The following HTR7 variants were observed in gnomAD, a reference collection of about 807,000 sequenced individuals.
The protein encoded by HTR7 is 5-hydroxytryptamine receptor 7.
HTR7 carries 16 observed loss-of-function variants against 34.0 expected under a neutral mutation model. The observed-to-expected ratio is 0.47, with a 90% confidence interval of 0.32 to 0.71. The LOEUF is 0.71. Ranked by LOEUF, HTR7 falls within the 30% of genes least tolerant of loss-of-function variation. HTR7 has a pLI of 0.04. For missense variants in HTR7, 504 were observed against 625.5 expected (o/e 0.81, Z 2.07); for synonymous variants, 265 against 260.2 (o/e 1.02, Z -0.18).
chr10:90,742,044 A>C lies in HTR7; in HGVS notation c.*438T>G, dbSNP rs962650837. ...ACATATTCAACACTACGCTCACCGC[A>C]GTTTGCTTGGAAAAGCCTTCTGTCA... On this transcript the variant is annotated 3_prime_UTR_variant, in exon 4 of 4. Coordinates refer to ENST00000336152, the MANE Select transcript of HTR7 (RefSeq NM_019859.4). The C allele has an allele frequency of 6.5e-6, 1 of 153,986 alleles. No individual in the cohort carries two copies. The highest frequency in any genetic ancestry group is 2.4e-5 in the African/African-American group (1 of 41,512). The allele number at this position is 153,986 out of a possible 1,614,324, so 9.5% of individuals were successfully genotyped here. A position where few individuals can be genotyped will look rare whatever the true frequency, so the allele number is the denominator to read the frequency against.
chr10:90,742,601 G>T, intron 3 of HTR7, 73 bp from the exon 4 acceptor site: 1 of 1,072,328 alleles, frequency 9.3e-7, no homozygotes, highest in Non-Finnish European at 1.4e-6. Context: ...TTTGTGGTAG[G>T]TGGACTTAAT....
intron 1 of HTR7, among the ~76,000 whole-genome samples, chr10:90,849,207 G>T (rs1401641485): frequency 2.6e-5 from 4 of 152,156 alleles, no homozygotes; most frequent in Admixed American, 2.0e-4. Flanking sequence ...GGGTCTTAGG[G>T]TGTATGTATT....
chr10:90,784,157 CAGCT>C (rs1353559626), intron 1 of HTR7, among the ~76,000 whole-genome samples: 2 of 152,222 alleles, frequency 1.3e-5, no homozygotes, highest in African/African-American at 2.4e-5. Context: ...AGCTGCCAGC[CAGCT>C]GAGGAGATTT....
intron 1 of HTR7, among the ~76,000 whole-genome samples, chr10:90,769,211 T>A (rs1293127785): frequency 6.6e-6 from 1 of 152,244 alleles, no homozygotes; most frequent in Non-Finnish European, 1.5e-5. Flanking sequence ...TTCAAGTTTT[T>A]AAAAGCATAT....
chr10:90,762,173 C>CAGTT (rs1844949130), intron 1 of HTR7, among the ~76,000 whole-genome samples: 1 of 152,138 alleles, frequency 6.6e-6, no homozygotes, highest in South Asian at 2.1e-4. Flanking sequence ...GATCATATGG[C>CAGTT]AGTTAGTTGT....
intron 1 of HTR7, among the ~76,000 whole-genome samples, chr10:90,830,250 G>A (rs1037243709): frequency 6.6e-6 from 1 of 152,174 alleles, no homozygotes; most frequent in African/African-American, 2.4e-5. Context: ...TTTGGTTCAT[G>A]GGTGTTATTA....
At chr10:90,844,846 C>A (rs977350724) in intron 1 of HTR7, among the ~76,000 whole-genome samples, 1 of 150,848 alleles carries the variant, frequency 6.6e-6, no homozygotes, top group East Asian at 1.9e-4. Flanking sequence ...TGATGTGACG[C>A]CCAGGCCCAT....
chr10:90,820,546 A>G (rs1845963297), intron 1 of HTR7, among the ~76,000 whole-genome samples: 2 of 152,224 alleles, frequency 1.3e-5, no homozygotes, highest in African/African-American at 4.8e-5. Flanking sequence ...AAAAGAACTA[A>G]AAATGAGTTT....
intron 1 of HTR7, among the ~76,000 whole-genome samples, chr10:90,776,416 C>A (rs977267438): frequency 2.0e-5 from 3 of 152,188 alleles, no homozygotes; most frequent in African/African-American, 7.2e-5. Context: ...AACTCTAATT[C>A]ACAGATATTT....
At chr10:90,856,775 T>C (rs1426589867) in intron 1 of HTR7, among the ~76,000 whole-genome samples, 1 of 152,152 alleles carries the variant, frequency 6.6e-6, no homozygotes, top group Non-Finnish European at 1.5e-5. Context: ...AATGACTCTT[T>C]AAGGCTCACA....
intron 1 of HTR7, among the ~76,000 whole-genome samples, chr10:90,815,734 GA>G (rs377002738): frequency 1.5e-4 from 22 of 148,720 alleles, no homozygotes; most frequent in African/African-American, 3.2e-4. Flanking sequence ...AAAAGTTGAA[GA>G]AAAAAAAAAT....
intron 1 of HTR7, among the ~76,000 whole-genome samples, chr10:90,790,048 C>T (rs895996732): frequency 2.0e-5 from 3 of 152,128 alleles, no homozygotes; most frequent in Admixed American, 6.5e-5. Context: ...TATACATCAT[C>T]GCAGTTCAAA....
chr10:90,752,362 T>G (rs10509610), intron 1 of HTR7, among the ~76,000 whole-genome samples: 1,874 of 152,198 alleles, frequency 0.012, 40 homozygotes, highest in African/African-American at 0.042. Context: ...CTACAGTCTA[T>G]ATGAAGAAAA....
At chr10:90,832,273 G>A (rs1846190911) in intron 1 of HTR7, among the ~76,000 whole-genome samples, 1 of 152,238 alleles carries the variant, frequency 6.6e-6, no homozygotes. Flanking sequence ...GCCACGGTGG[G>A]TGTAGGGGAG....
rs199654577 is a variant in HTR7, at chr10:90,822,669, A to AC, written c.539+34463_539+34464insG. ...GAGCCTGATGTTAATAGCCAAGACA[A>AC]TGGGGAATATGCCCCTAGGGCATTT... On this transcript the variant is annotated intron_variant, in intron 1 of 3. Transcript: ENST00000336152. Among the ~76,000 whole-genome samples the AC allele has an allele frequency of 9.3e-3, 1,424 of 152,364 alleles. 11 individuals carry two copies. Among genetic ancestry groups the AC allele is most frequent in the Non-Finnish European group, 0.013 (866 of 68,030 alleles).
chr10:90,779,957 C>T (rs1384335209), intron 1 of HTR7, among the ~76,000 whole-genome samples: 4 of 152,194 alleles, frequency 2.6e-5, no homozygotes, highest in Non-Finnish European at 5.9e-5. Flanking sequence ...ATCAGTCATC[C>T]TTCACCCTCC....
chr10:90,788,938 C>T (rs1845423781), intron 1 of HTR7, among the ~76,000 whole-genome samples: 1 of 152,196 alleles, frequency 6.6e-6, no homozygotes, highest in Non-Finnish European at 1.5e-5. Context: ...TAAGACCTTG[C>T]TCAAGTGTCA....
intron 1 of HTR7, among the ~76,000 whole-genome samples, chr10:90,816,614 A>T (rs150010552): frequency 6.6e-6 from 1 of 152,322 alleles, no homozygotes; most frequent in Non-Finnish European, 1.5e-5. Flanking sequence ...TCAAATGATT[A>T]ATGTTATTTA....
At position 90,857,513 on chromosome 10, in the gene HTR7, T is replaced by C. The variant is rs1463352618; in HGVS notation, c.159A>G (p.Thr53=). Residue 53 remains threonine, a synonymous_variant, in exon 1 of 4, where the codon ACA becomes ACG. Coordinates refer to ENST00000336152, the MANE Select transcript of HTR7 (RefSeq NM_019859.4). The surrounding 1 kb of genome is among the most constrained non-coding windows in gnomAD (Gnocchi z 6.5). ...SWAPHLLSEV[T]ASPAPTWDAP... ...CGTCCCAGGTGGGCGCCGGGCTGGCTGTCACCTCGCTCAGCAGGTGCGGCG... is the reference window on the plus strand; with the variant it reads ...CGTCCCAGGTGGGCGCCGGGCTGGCCGTCACCTCGCTCAGCAGGTGCGGCG... 1.2e-6 allele frequency: 2 copies of C among 1,611,560 alleles called. No homozygotes were observed. The highest frequency in any genetic ancestry group is 1.3e-5 in the African/African-American group (1 of 74,892).
Sources: gnomAD v4.1 joint callset for allele counts (sites outside exome capture counted in the v4.1 genomes callset) on GRCh38, gnomAD v4.1.1 for gene constraint, Gnocchi (gnomAD v3.1) non-coding constraint, MANE v1.5 for transcripts, NCBI Gene and HGNC (gene_info 2026-07-23, HGNC 2026-07-21) for gene names.